Variants in BRD1 observed in about 807,000 individuals in gnomAD.
BRD1 encodes the protein bromodomain containing 1, also known as bromodomain-containing protein 1.
In BRD1, 24 loss-of-function variants were observed where a neutral mutation model predicts 107.7. The observed-to-expected ratio is 0.22, with a 90% CI of 0.16 to 0.31. The LOEUF is 0.31. Among genes scored for constraint, BRD1 ranks in the 10% least tolerant of loss-of-function variants. The pLI is 1.00. For synonymous variants in BRD1, 744 were observed against 686.1 expected (o/e 1.08, Z -1.32); for missense variants, 1,279 against 1,638.6 (o/e 0.78, Z 3.79).
intron 1 of BRD1, chr22:49,826,185 C>A: frequency 2.0e-6 from 2 of 985,468 alleles, no homozygotes; most frequent in Non-Finnish European, 2.4e-6. Context: ...TTCCCCTCGA[C>A]AGCAAAGTCC....
At chr22:49,809,788 T>C (rs918977742) in intron 2 of BRD1, among the ~76,000 whole-genome samples, 1 of 152,128 alleles carries the variant, frequency 6.6e-6, no homozygotes, top group African/African-American at 2.4e-5. Context: ...TAACGGGACA[T>C]CTTGAAAATA....
intron 12 of BRD1, 119 bp downstream of exon 12, chr22:49,775,472 T>C (rs546264312): frequency 1.4e-4 from 148 of 1,021,800 alleles, no homozygotes; most frequent in Non-Finnish European, 1.8e-4. Flanking sequence ...CCTCCGACTT[T>C]AGCTGTGCCA....
In BRD1 at chr22:49,797,689, G is replaced by A. The variant is rs139364589; in HGVS notation, c.2098+116C>T. 1.6e-4 allele frequency: 163 copies of A among 1,008,370 alleles called. No individual in the cohort carries two copies. The East Asian group carries it at 3.7e-3, about 23-fold the overall frequency. The allele number at this position is 1,008,370 out of a possible 1,614,324, so 62.5% of individuals were successfully genotyped here. A position where few individuals can be genotyped will look rare whatever the true frequency, so the allele number is the denominator to read the frequency against. On this transcript the variant is annotated intron_variant, in intron 6 of 12. Transcript: ENST00000404760. The stretch of plus-strand genomic sequence containing the variant: ...ACTAGAAAATGTAAATGATGTATGC[G>A]GTTGCATGCTAGTGGCTCCCGGACC...
chr22:49,800,772 A>C (rs1481139366), intron 3 of BRD1, among the ~76,000 whole-genome samples: 1 of 152,196 alleles, frequency 6.6e-6, no homozygotes, highest in African/African-American at 2.4e-5. Context: ...TCCCATGTAA[A>C]AATCAACAGT....
At chr22:49,796,318 C>T (rs969948461) in intron 6 of BRD1, among the ~76,000 whole-genome samples, 1 of 151,430 alleles carries the variant, frequency 6.6e-6, no homozygotes, top group Non-Finnish European at 1.5e-5. Flanking sequence ...ATGGTCTCGA[C>T]CTCCTGACTT....
intron 8 of BRD1, among the ~76,000 whole-genome samples, chr22:49,778,896 C>T (rs371633392): frequency 2.6e-5 from 4 of 152,120 alleles, no homozygotes; most frequent in Admixed American, 1.3e-4. Flanking sequence ...CTCCTGACCT[C>T]GTGATCCGCC....
Position 49,803,685 on chromosome 22 carries a change from G to A in BRD1, c.1524+519C>T, listed in dbSNP as rs113363545. Among the ~76,000 whole-genome samples, 187 of 152,012 alleles carry A rather than the reference G, an allele frequency of 1.2e-3. 1 individual carries two copies. The highest frequency in any genetic ancestry group is 4.3e-3 in the African/African-American group (179 of 41,448). On this transcript the variant is annotated intron_variant, in intron 3 of 12. Coordinates refer to ENST00000404760, the MANE Select transcript of BRD1 (RefSeq NM_001304808.3). The surrounding 1 kb of genome is among the most constrained non-coding windows in gnomAD (Gnocchi z 4.4). ...TCCCTCCCACTCTCTCAGCTCTCTCGAGCCCTCCCCACCCCACCACAGTCC... is the reference window on the plus strand; with the variant it reads ...TCCCTCCCACTCTCTCAGCTCTCTCAAGCCCTCCCCACCCCACCACAGTCC...
Position 49,804,228 on chromosome 22 carries a change from C to A in BRD1, c.1500G>T (p.Leu500=). 2 of 1,601,596 alleles carry A rather than the reference C, an allele frequency of 1.2e-6. No individual in the cohort carries two copies. The highest frequency in any genetic ancestry group is 4.5e-5 in the East Asian group (2 of 44,434). The change falls in exon 3 of 13, where the codon CTG becomes CTT. Residue 500 remains leucine, a synonymous_variant. Transcript: ENST00000404760. ...APLLRRLQSS[L]QSQRSSQQRE... ...CCTGCTGTGAGCTTCGCTGAGACTG[C>A]AGGCTGGACTGCAGCCGCCGCAGCA...
At chr22:49,806,287 T>C (rs1233571420) in intron 2 of BRD1, 7 of 152,138 alleles carry the variant, frequency 4.6e-5, no homozygotes, top group African/African-American at 1.4e-4. Context: ...TTCTCCAGAG[T>C]CAGGGCTTCT....
Position 49,824,204 on chromosome 22 carries a change from C to T in BRD1, c.114G>A (p.Arg38=), listed in dbSNP as rs1176746525. 1 of 1,613,964 alleles carries T rather than the reference C, an allele frequency of 6.2e-7. No homozygotes were observed. Residue 38 remains arginine, a synonymous_variant, in exon 2 of 13, where the codon AGG becomes AGA. Coordinates refer to ENST00000404760, the MANE Select transcript of BRD1 (RefSeq NM_001304808.3). The surrounding 1 kb of genome is among the most constrained non-coding windows in gnomAD (Gnocchi z 5.9). Reference sequence around the variant, plus strand: ...GCCCTTCAATTTCTATCTCTACCATCCTTTGAGCTTGAGCGTAGGTCAGCG... The same window carrying T: ...GCCCTTCAATTTCTATCTCTACCATTCTTTGAGCTTGAGCGTAGGTCAGCG... The part of the protein sequence containing the change: ...RETLTYAQAQ[R]MVEIEIEGRL...
At chr22:49,791,628 A>G (rs1276674710) in intron 7 of BRD1, among the ~76,000 whole-genome samples, 1 of 152,296 alleles carries the variant, frequency 6.6e-6, no homozygotes, top group African/African-American at 2.4e-5. Flanking sequence ...ACCAACCAAC[A>G]AGCTTGCTTG....
At chr22:49,810,040 A>C (rs2059820428) in intron 2 of BRD1, among the ~76,000 whole-genome samples, 1 of 152,222 alleles carries the variant, frequency 6.6e-6, no homozygotes, top group Non-Finnish European at 1.5e-5. Context: ...AACAAGCATC[A>C]AAGAATGAAT....
intron 8 of BRD1, among the ~76,000 whole-genome samples, chr22:49,781,840 GGAA>G (rs1023969314): frequency 1.4e-4 from 21 of 152,286 alleles, no homozygotes; most frequent in African/African-American, 4.6e-4. Context: ...AAACACACAC[GGAA>G]GAAGATTCCA....
chr22:49,787,301 C>CAG, intron 8 of BRD1, 89 bp downstream of exon 8: 1 of 500,720 alleles, frequency 2.0e-6, no homozygotes, highest in South Asian at 2.5e-5. Context: ...AGCTGGACAC[C>CAG]CCCCCCCCCC....
chr22:49,777,086 C>G lies in BRD1; in HGVS notation c.3069G>C (p.Leu1023=), dbSNP rs143719671. 1.5e-4 allele frequency: 240 copies of G among 1,613,260 alleles called. No homozygotes were observed. Among genetic ancestry groups the G allele is most frequent in the Non-Finnish European group, 2.0e-4 (233 of 1,180,016 alleles). Reference sequence around the variant, plus strand: ...AGTTCCCATTCTCGATGCAGGAGATCAGCTCACTGCGGTCCTCCAGCGTGT... The same window carrying G: ...AGTTCCCATTCTCGATGCAGGAGATGAGCTCACTGCGGTCCTCCAGCGTGT... ...RRHTLEDRSE[L]ISCIENGNYA... is the part of the protein sequence containing the mutation. Residue 1023 remains leucine, a synonymous_variant, in exon 10 of 13, where the codon CTG becomes CTC. Coordinates refer to ENST00000404760, the MANE Select transcript of BRD1 (RefSeq NM_001304808.3).
intron 1 of BRD1, among the ~76,000 whole-genome samples, chr22:49,826,542 G>T (rs922100927): frequency 1.3e-4 from 20 of 152,220 alleles, no homozygotes; most frequent in Admixed American, 1.3e-3. Flanking sequence ...CGGGCCACAG[G>T]CGGGGAAGGC....
intron 8 of BRD1, among the ~76,000 whole-genome samples, chr22:49,778,745 T>A (rs538022144): frequency 9.2e-5 from 14 of 152,226 alleles, no homozygotes; most frequent in Non-Finnish European, 1.6e-4. Context: ...CACTGCAAGC[T>A]CCACCTCCCG....
chr22:49,804,093 G>T, intron 3 of BRD1, 111 bp downstream of exon 3: 1 of 938,448 alleles, frequency 1.1e-6, no homozygotes, highest in Non-Finnish European at 1.5e-6. Flanking sequence ...CTTCCCAACG[G>T]GGAGCCTGAG....
chr22:49,777,940 CT>C, intron 8 of BRD1, 127 bp from the exon 9 acceptor site: 1 of 1,297,774 alleles, frequency 7.7e-7, no homozygotes, highest in Non-Finnish European at 1.0e-6. Flanking sequence ...CAGCATCTTC[CT>C]TTTCACTCCC....
Sources: allele counts gnomAD v4.1 joint callset (sites outside exome capture counted in the v4.1 genomes callset), GRCh38; gene constraint gnomAD v4.1.1; non-coding constraint Gnocchi (gnomAD v3.1); transcripts MANE v1.5; gene names NCBI Gene and HGNC (gene_info 2026-07-23, HGNC 2026-07-21).